Variants in GLRB observed in about 807,000 individuals in gnomAD.
The protein encoded by GLRB is glycine receptor subunit beta.
Under a neutral mutation model 54.2 loss-of-function variants are expected in GLRB, and 33 were observed. The observed-to-expected ratio is 0.61, with a 90% CI of 0.46 to 0.81. GLRB has a LOEUF of 0.81. Ranked by LOEUF, GLRB falls within the 40% of genes least tolerant of loss-of-function variation. The pLI is 0.00. For missense variants in GLRB, 572 were observed against 584.6 expected (o/e 0.98, Z 0.22); for synonymous variants, 209 against 208.2 (o/e 1.00, Z -0.03).
intron 9 of GLRB, among the ~76,000 whole-genome samples, chr4:157,154,493 T>C (rs1253666855): frequency 6.8e-6 from 1 of 147,410 alleles, no homozygotes; most frequent in African/African-American, 2.5e-5. Flanking sequence ...AATGGCGTGA[T>C]CTCGGCTCAC....
intron 2 of GLRB, among the ~76,000 whole-genome samples, chr4:157,109,601 T>G (rs1174538542): frequency 6.6e-6 from 1 of 151,958 alleles, no homozygotes; most frequent in Non-Finnish European, 1.5e-5. Flanking sequence ...CTGGTGATAG[T>G]GTTGGATCAC....
At chr4:157,094,563 T>G (rs1378828191) in intron 2 of GLRB, among the ~76,000 whole-genome samples, 1 of 152,052 alleles carries the variant, frequency 6.6e-6, no homozygotes, top group Non-Finnish European at 1.5e-5. Context: ...ACAACCTAAT[T>G]GAAAAGAGAG....
intron 4 of GLRB, among the ~76,000 whole-genome samples, chr4:157,128,355 A>G (rs1429684015): frequency 3.3e-5 from 5 of 151,876 alleles, no homozygotes; most frequent in African/African-American, 4.8e-5. Flanking sequence ...TTTCACAAGT[A>G]AGAGTACTGT....
intron 9 of GLRB, among the ~76,000 whole-genome samples, chr4:157,163,739 G>A (rs1737605022): frequency 6.6e-6 from 1 of 152,040 alleles, no homozygotes; most frequent in African/African-American, 2.4e-5. Flanking sequence ...AAGGGGGAAT[G>A]CAGGAACTCA....
chr4:157,113,075 C>A (rs1579208102), intron 2 of GLRB, among the ~76,000 whole-genome samples: 1 of 151,894 alleles, frequency 6.6e-6, no homozygotes, highest in East Asian at 1.9e-4. Context: ...TCTTGACTCT[C>A]AGAGAAGTGT....
rs925603755 is a variant in GLRB, at chr4:157,164,547, G to A, written c.1198-5885G>A. On this transcript the variant is annotated intron_variant, in intron 9 of 9. Coordinates refer to ENST00000264428, the MANE Select transcript of GLRB (RefSeq NM_000824.5). ...GTGCTTGATTCCTGGTAATCCCTACGATCAGCTCCATTGGCTGGTATATTA... is the reference window on the plus strand; with the variant it reads ...GTGCTTGATTCCTGGTAATCCCTACAATCAGCTCCATTGGCTGGTATATTA... Among the ~76,000 whole-genome samples the A allele has an allele frequency of 4.6e-5, 7 of 152,188 alleles. No individual in the cohort carries two copies. The East Asian group carries it at 7.7e-4, about 17-fold the overall frequency.
chr4:157,095,281 T>G, intron 2 of GLRB, among the ~76,000 whole-genome samples: 1 of 143,454 alleles, frequency 7.0e-6, no homozygotes, highest in African/African-American at 2.6e-5. Flanking sequence ...ATCATAAGAG[T>G]GATTCCCACG....
intron 2 of GLRB, among the ~76,000 whole-genome samples, chr4:157,088,537 A>G (rs1216169082): frequency 6.6e-6 from 1 of 152,078 alleles, no homozygotes; most frequent in South Asian, 2.1e-4. Flanking sequence ...TCTGTCTTTT[A>G]TCTTGTTCCT....
intron 7 of GLRB, among the ~76,000 whole-genome samples, chr4:157,140,823 G>A (rs1366345567): frequency 6.6e-6 from 1 of 151,834 alleles, no homozygotes; most frequent in African/African-American, 2.4e-5. Context: ...AAATTTGAAG[G>A]AGACTCTATT....
chr4:157,123,907 T>C (rs927190046), intron 4 of GLRB, among the ~76,000 whole-genome samples: 2 of 151,390 alleles, frequency 1.3e-5, no homozygotes, highest in Non-Finnish European at 3.0e-5. Context: ...TCCAAGAGAG[T>C]TTTAGGTCAG....
intron 9 of GLRB, among the ~76,000 whole-genome samples, chr4:157,162,100 C>A (rs768657972): frequency 6.6e-6 from 1 of 152,164 alleles, no homozygotes; most frequent in African/African-American, 2.4e-5. Context: ...ATCACTGATA[C>A]CCTTTCTTCC....
intron 2 of GLRB, among the ~76,000 whole-genome samples, chr4:157,083,194 G>C (rs181188496): frequency 6.6e-6 from 1 of 151,922 alleles, no homozygotes; most frequent in Non-Finnish European, 1.5e-5. Context: ...TTGCAGGAGA[G>C]AGAAATAAGA....
At chr4:157,078,371 A>G (rs988343014) in intron 2 of GLRB, 17 of 253,292 alleles carry the variant, frequency 6.7e-5, no homozygotes, top group Admixed American at 5.2e-4. Flanking sequence ...AAATCATGCC[A>G]TGGGTTTATA....
intron 2 of GLRB, among the ~76,000 whole-genome samples, chr4:157,108,058 T>C (rs1348829727): frequency 6.6e-6 from 1 of 152,078 alleles, no homozygotes; most frequent in East Asian, 1.9e-4. Flanking sequence ...CTGAAGACTT[T>C]AAACCCACTA....
chr4:157,166,024 C>A (rs1737695007), intron 9 of GLRB, among the ~76,000 whole-genome samples: 1 of 151,928 alleles, frequency 6.6e-6, no homozygotes, highest in Non-Finnish European at 1.5e-5. Flanking sequence ...TCAAGAAATA[C>A]TGCATAAAGT....
chr4:157,133,858 T>C (rs1736303851), intron 4 of GLRB, among the ~76,000 whole-genome samples: 2 of 151,942 alleles, frequency 1.3e-5, no homozygotes. Flanking sequence ...TCAAGAAGGA[T>C]TTAGGATAGT....
chr4:157,122,220 C>A (rs1735851291), intron 3 of GLRB, 110 bp from the exon 4 acceptor site: 4 of 513,966 alleles, frequency 7.8e-6, no homozygotes, highest in South Asian at 6.4e-5. Flanking sequence ...TTTTGCATTC[C>A]ATATGGATTG....
Position 157,152,766 on chromosome 4 carries a change from C to A in GLRB, c.953C>A (p.Ala318Asp), listed in dbSNP as rs2126602477. ...SLASECTTLA[A>D]ELPKVSYVKA... ...GCCTCTGAGTGCACAACCCTTGCCGCTGAGCTTCCCAAAGTTTCCTATGTG... is the reference window on the plus strand; with the variant it reads ...GCCTCTGAGTGCACAACCCTTGCCGATGAGCTTCCCAAAGTTTCCTATGTG... Residue 318 changes from alanine (A) to aspartate (D), a missense_variant, in exon 9 of 10, where the codon GCT becomes GAT. Physicochemically the swap from Ala to Asp is moderately radical, Grantham distance 126 (BLOSUM62 -2). Coordinates refer to ENST00000264428, the MANE Select transcript of GLRB (RefSeq NM_000824.5). 1 of 1,613,786 alleles carries A rather than the reference C, an allele frequency of 6.2e-7. No homozygotes were observed. Among genetic ancestry groups the A allele is most frequent in the Non-Finnish European group, 8.5e-7 (1 of 1,179,732 alleles).
At chr4:157,144,672 G>T (rs1400323049) in intron 8 of GLRB, among the ~76,000 whole-genome samples, 1 of 152,170 alleles carries the variant, frequency 6.6e-6, no homozygotes, top group South Asian at 2.1e-4. Flanking sequence ...CTGTGTGTCT[G>T]TGTGTTTTCT....
Sources: allele counts gnomAD v4.1 joint callset (sites outside exome capture counted in the v4.1 genomes callset), GRCh38; gene constraint gnomAD v4.1.1; transcripts MANE v1.5; gene names NCBI Gene and HGNC (gene_info 2026-07-23, HGNC 2026-07-21).